The following NAALADL2 variants were observed in gnomAD, a reference collection of about 807,000 sequenced individuals.
NAALADL2 encodes the protein inactive N-acetylated-alpha-linked acidic dipeptidase-like protein 2.
A neutral mutation model predicts 87.2 loss-of-function variants in NAALADL2; 76 were observed. The observed-to-expected ratio is 0.87, with a 90% CI of 0.72 to 1.05. The LOEUF is 1.05. Ranked by LOEUF, NAALADL2 falls within the 50% of genes least tolerant of loss-of-function variation. NAALADL2 has a pLI of 0.00. For missense variants in NAALADL2, 1,089 were observed against 945.8 expected, an observed-to-expected ratio of 1.15 and a Z score of -1.99; for synonymous variants, 354 against 331.0, an observed-to-expected ratio of 1.07 and a Z score of -0.75.
intron 9 of NAALADL2, among the ~76,000 whole-genome samples, chr3:175,493,206 A>G (rs1215747426): frequency 6.6e-6 from 1 of 151,940 alleles, no homozygotes; most frequent in Admixed American, 6.6e-5. Context: ...ACTTTCCTCT[A>G]TTTTCTGAAT....
chr3:175,065,189 T>G (rs1003641814), intron 1 of NAALADL2, among the ~76,000 whole-genome samples: 3 of 152,154 alleles, frequency 2.0e-5, no homozygotes, highest in African/African-American at 7.2e-5. Flanking sequence ...TTATGTAATT[T>G]ACTTACCTGG....
intron 2 of NAALADL2, among the ~76,000 whole-genome samples, chr3:174,640,797 G>A (rs1406963594): frequency 6.6e-6 from 1 of 152,244 alleles, no homozygotes; most frequent in African/African-American, 2.4e-5. Flanking sequence ...CTTGCTGCTA[G>A]GGGCAGACTA....
At chr3:175,152,198 G>T (rs577738611) in intron 2 of NAALADL2, among the ~76,000 whole-genome samples, 1 of 152,198 alleles carries the variant, frequency 6.6e-6, no homozygotes, top group South Asian at 2.1e-4. Flanking sequence ...GTAATAAAGA[G>T]ATCATAATAT....
At position 175,356,826 on chromosome 3, in the gene NAALADL2, G is replaced by A. The variant is rs143190946; in HGVS notation, c.1090+32501G>A. ...TGCATGATGAAGACCTGTAACAGGTGTAAGTTCTTGGCCAAGCATGTTTTT... is the reference window on the plus strand; with the variant it reads ...TGCATGATGAAGACCTGTAACAGGTATAAGTTCTTGGCCAAGCATGTTTTT... On this transcript the variant is annotated intron_variant, in intron 5 of 13. Transcript: ENST00000454872. Among the ~76,000 whole-genome samples the A allele has an allele frequency of 1.8e-4, 27 of 152,112 alleles. No individual in the cohort carries two copies. The East Asian group carries it at 4.8e-3, about 27-fold the overall frequency.
chr3:175,531,254 A>C (rs750827313), intron 9 of NAALADL2, among the ~76,000 whole-genome samples: 9 of 152,094 alleles, frequency 5.9e-5, no homozygotes, highest in Non-Finnish European at 1.2e-4. Context: ...CAAAATCGAA[A>C]TAGGCCCACT....
intron 3 of NAALADL2, among the ~76,000 whole-genome samples, chr3:174,826,088 C>A (rs1285574428): frequency 6.6e-6 from 1 of 152,038 alleles, no homozygotes; most frequent in African/African-American, 2.4e-5. Context: ...AAACAAAATC[C>A]AAGACAAAAC....
At chr3:175,128,004 C>G (rs541950563) in intron 2 of NAALADL2, among the ~76,000 whole-genome samples, 2 of 152,102 alleles carry the variant, frequency 1.3e-5, no homozygotes, top group East Asian at 3.9e-4. Flanking sequence ...CTTTACTGCT[C>G]AGTATATTTG....
chr3:174,486,810 G>A (rs1717885349), intron 1 of NAALADL2, among the ~76,000 whole-genome samples: 1 of 151,842 alleles, frequency 6.6e-6, no homozygotes, highest in Non-Finnish European at 1.5e-5. Flanking sequence ...CACTTGTGGT[G>A]GACATTAGAT....
intron 13 of NAALADL2, among the ~76,000 whole-genome samples, chr3:175,795,997 T>C (rs1026746891): frequency 1.3e-5 from 2 of 150,536 alleles, no homozygotes; most frequent in Admixed American, 1.3e-4. Flanking sequence ...CAGATCCTTG[T>C]GTTATTTCCT....
At chr3:174,877,233 T>G (rs962900254) in intron 1 of NAALADL2, among the ~76,000 whole-genome samples, 2 of 152,130 alleles carry the variant, frequency 1.3e-5, no homozygotes, top group Non-Finnish European at 2.9e-5. Flanking sequence ...CTTTTAGGTT[T>G]ATTTTCATAT....
At chr3:175,123,471 G>T (rs866448398) in intron 2 of NAALADL2, among the ~76,000 whole-genome samples, 2 of 151,880 alleles carry the variant, frequency 1.3e-5, no homozygotes, top group Non-Finnish European at 2.9e-5. Flanking sequence ...CATTGTTCTT[G>T]ATATACTCAT....
intron 2 of NAALADL2, among the ~76,000 whole-genome samples, chr3:175,140,635 T>G (rs1017809067): frequency 3.9e-5 from 6 of 152,088 alleles, no homozygotes; most frequent in African/African-American, 1.2e-4. Flanking sequence ...ATGATTGCTG[T>G]GAACGAAAAC....
chr3:174,490,296 C>A (rs2108348400), intron 1 of NAALADL2, among the ~76,000 whole-genome samples: 1 of 152,000 alleles, frequency 6.6e-6, no homozygotes, highest in South Asian at 2.1e-4. Flanking sequence ...GAAAAAATAG[C>A]CACAAAAGAT....
intron 1 of NAALADL2, among the ~76,000 whole-genome samples, chr3:175,003,901 T>A (rs1748606246): frequency 6.6e-6 from 1 of 152,100 alleles, no homozygotes; most frequent in South Asian, 2.1e-4. Flanking sequence ...CTTATAAAGT[T>A]CAAAAGAGAC....
chr3:174,969,022 A>T (rs1743256375), intron 1 of NAALADL2, among the ~76,000 whole-genome samples: 1 of 152,224 alleles, frequency 6.6e-6, no homozygotes, highest in African/African-American at 2.4e-5. Context: ...GCCACATAAA[A>T]TAGGGAGATT....
At chr3:175,712,181 A>G (rs1346476714) in intron 11 of NAALADL2, among the ~76,000 whole-genome samples, 1 of 152,082 alleles carries the variant, frequency 6.6e-6, no homozygotes, top group Non-Finnish European at 1.5e-5. Flanking sequence ...ATGCTATCAA[A>G]TCATTATATC....
At position 175,331,847 on chromosome 3, in the gene NAALADL2, A is replaced by C. The variant is rs554929015; in HGVS notation, c.1090+7522A>C. ...ATGCAGATGACATGGTCTCATAGCT[A>C]ATAAAACTCAAAAATCTTAGATCTG... On this transcript the variant is annotated intron_variant, in intron 5 of 13. Coordinates refer to ENST00000454872, the MANE Select transcript of NAALADL2 (RefSeq NM_207015.3). 2.6e-5 allele frequency among the ~76,000 whole-genome samples: 4 copies of C among 152,286 alleles called. No homozygotes were observed. In the East Asian group the frequency reaches 7.7e-4, roughly 29 times the overall value.
intron 4 of NAALADL2, among the ~76,000 whole-genome samples, chr3:175,266,816 A>T (rs1169367257): frequency 6.6e-6 from 1 of 151,880 alleles, no homozygotes; most frequent in Non-Finnish European, 1.5e-5. Context: ...TGTTTATAAT[A>T]ATAATAGCAT....
At chr3:175,092,970 C>T (rs1720423950) in intron 1 of NAALADL2, among the ~76,000 whole-genome samples, 1 of 151,752 alleles carries the variant, frequency 6.6e-6, no homozygotes, top group South Asian at 2.1e-4. Context: ...ATATTTCCAT[C>T]CGTAGAAATG....
Sources: gnomAD v4.1 joint callset for allele counts (sites outside exome capture counted in the v4.1 genomes callset) on GRCh38, gnomAD v4.1.1 for gene constraint, MANE v1.5 for transcripts, NCBI Gene and HGNC (gene_info 2026-07-23, HGNC 2026-07-21) for gene names.